Variants in STARD13 observed in about 807,000 individuals in gnomAD.
STARD13 encodes the protein StAR related lipid transfer domain containing 13.
STARD13 carries 62 observed loss-of-function variants against 106.4 expected under a neutral mutation model. The ratio of observed to expected loss-of-function variants is 0.58; its 90% CI spans 0.48 to 0.72. The LOEUF is 0.72. Among genes scored for constraint, STARD13 ranks in the 30% least tolerant of loss-of-function variants. STARD13 has a pLI of 0.00. For missense variants in STARD13, 1,387 were observed against 1,424.0 expected (o/e 0.97, Z 0.42); for synonymous variants, 565 against 553.0 (o/e 1.02, Z -0.31).
intron 12 of STARD13, among the ~76,000 whole-genome samples, chr13:33,109,243 T>C (rs1309462267): frequency 6.6e-6 from 1 of 152,218 alleles, no homozygotes; most frequent in South Asian, 2.1e-4. Context: ...ACACTGCATC[T>C]CTACTGTGCA....
the STARD13 span, among the ~76,000 whole-genome samples, chr13:33,526,662 T>C: frequency 1.3e-5 from 2 of 152,086 alleles, no homozygotes; most frequent in Non-Finnish European, 2.9e-5. Flanking sequence ...TTTCTCTCTG[T>C]ACCTAAGTTC....
intron 1 of STARD13, among the ~76,000 whole-genome samples, chr13:33,248,390 G>A (rs1182915989): frequency 1.3e-5 from 2 of 152,190 alleles, no homozygotes; most frequent in African/African-American, 4.8e-5. Flanking sequence ...TAATTTAATA[G>A]ACTTTTAATA....
chr13:33,373,860 C>T, the STARD13 span, among the ~76,000 whole-genome samples: 1 of 151,910 alleles, frequency 6.6e-6, no homozygotes, highest in Middle Eastern at 3.4e-3. Flanking sequence ...ATGGCAAAGC[C>T]ACTGTGGAAA....
chr13:33,302,291 C>T (rs539173714), intron 1 of STARD13, among the ~76,000 whole-genome samples: 6 of 152,326 alleles, frequency 3.9e-5, no homozygotes, highest in African/African-American at 1.4e-4. Flanking sequence ...CATTCACCAT[C>T]ATGACTAGAA....
At chr13:33,608,154 G>T in the STARD13 span, among the ~76,000 whole-genome samples, 1 of 151,904 alleles carries the variant, frequency 6.6e-6, no homozygotes, top group South Asian at 2.1e-4. Flanking sequence ...TTATCTTTCT[G>T]CCTTGGCCTC....
At chr13:33,378,647 G>A in the STARD13 span, among the ~76,000 whole-genome samples, 4 of 151,884 alleles carry the variant, frequency 2.6e-5, no homozygotes, top group African/African-American at 7.3e-5. Context: ...AAAATCAGCC[G>A]AGTGTGGTGG....
At chr13:33,230,098 G>A (rs1180708139) in intron 1 of STARD13, among the ~76,000 whole-genome samples, 1 of 152,232 alleles carries the variant, frequency 6.6e-6, no homozygotes, top group Non-Finnish European at 1.5e-5. Context: ...ATTATTGGGA[G>A]CAGATGGTCA....
chr13:33,266,597 T>C (rs779165542), intron 1 of STARD13, among the ~76,000 whole-genome samples: 1 of 152,204 alleles, frequency 6.6e-6, no homozygotes, highest in East Asian at 1.9e-4. Flanking sequence ...TTTCCACTCA[T>C]TCTGTTGCCC....
intron 3 of STARD13, among the ~76,000 whole-genome samples, chr13:33,144,646 C>T (rs887806803): frequency 1.3e-5 from 2 of 152,188 alleles, no homozygotes; most frequent in African/African-American, 2.4e-5. Flanking sequence ...TCATCTGAGA[C>T]CATCTTTGGC....
At position 33,129,599 on chromosome 13, in the gene STARD13, C is replaced by A; in HGVS notation, c.1078G>T (p.Gly360Trp). The A allele has an allele frequency of 1.2e-6, 2 of 1,614,086 alleles. No homozygotes were observed. The highest frequency in any genetic ancestry group is 8.5e-7 in the Non-Finnish European group (1 of 1,180,038). Residue 360 changes from glycine to tryptophan, a missense_variant, in exon 5 of 14, where the codon GGG becomes TGG. Physicochemically the swap from Gly to Trp is radical, Grantham distance 184 (BLOSUM62 -2). Transcript: ENST00000336934. ...TCTAGGTCCTCCAAGTACATGCCCC[C>A]GCGCTTGTTGGCCTCGTGGCACTTG... ...ERKCHEANKR[G>W]GMYLEDLDVL...
At chr13:33,339,162 C>T (rs2077931441) in intron 1 of STARD13, among the ~76,000 whole-genome samples, 1 of 152,194 alleles carries the variant, frequency 6.6e-6, no homozygotes, top group Non-Finnish European at 1.5e-5. Context: ...TTATCCTCCT[C>T]TTTAAAGATG....
At chr13:33,401,300 C>T in the STARD13 span, among the ~76,000 whole-genome samples, 16 of 152,290 alleles carry the variant, frequency 1.1e-4, no homozygotes, top group Non-Finnish European at 2.1e-4. Flanking sequence ...AAATTACATA[C>T]GCACTGGCTC....
At chr13:33,160,315 C>T (rs1882471714) in intron 3 of STARD13, among the ~76,000 whole-genome samples, 1 of 151,994 alleles carries the variant, frequency 6.6e-6, no homozygotes, top group South Asian at 2.1e-4. Context: ...GATCATAGGT[C>T]TAAATATAAA....
At chr13:33,420,386 T>C in the STARD13 span, among the ~76,000 whole-genome samples, 2 of 152,168 alleles carry the variant, frequency 1.3e-5, no homozygotes, top group Admixed American at 6.5e-5. Flanking sequence ...AAAAGATCAA[T>C]TCAACAAGAA....
intron 1 of STARD13, among the ~76,000 whole-genome samples, chr13:33,221,122 C>G (rs906840868): frequency 4.6e-5 from 7 of 152,082 alleles, no homozygotes; most frequent in African/African-American, 1.7e-4. Flanking sequence ...AAAATTGTAC[C>G]ATGTTAACAA....
At chr13:33,437,570 A>G in the STARD13 span, among the ~76,000 whole-genome samples, 3 of 152,252 alleles carry the variant, frequency 2.0e-5, no homozygotes, top group African/African-American at 7.2e-5. Flanking sequence ...TTTACATTTT[A>G]CAAACAGCAG....
chr13:33,287,709 CT>C (rs1892129754), upstream of STARD13, among the ~76,000 whole-genome samples: 1 of 152,168 alleles, frequency 6.6e-6, no homozygotes, highest in African/African-American at 2.4e-5. Flanking sequence ...CTTGCATCAG[CT>C]GCTTTGTGCA....
chr13:33,645,844 C>G, the STARD13 span, among the ~76,000 whole-genome samples: 2 of 152,098 alleles, frequency 1.3e-5, no homozygotes, highest in Non-Finnish European at 2.9e-5. Flanking sequence ...CAGGGTGTCA[C>G]TTAAGGTGGA....
At chr13:33,637,258 T>C in the STARD13 span, among the ~76,000 whole-genome samples, 1 of 152,154 alleles carries the variant, frequency 6.6e-6, no homozygotes, top group African/African-American at 2.4e-5. Context: ...TCTCTGGCCA[T>C]GTTCTAAACT....
Sources: gnomAD v4.1 joint callset for allele counts (sites outside exome capture counted in the v4.1 genomes callset) on GRCh38, gnomAD v4.1.1 for gene constraint, MANE v1.5 for transcripts, NCBI Gene and HGNC (gene_info 2026-07-23, HGNC 2026-07-21) for gene names.